The following MARCHF1 variants were observed in gnomAD, a reference collection of about 807,000 sequenced individuals.
The protein encoded by MARCHF1 is membrane associated ring-CH-type finger 1.
Under a neutral mutation model 54.2 loss-of-function variants are expected in MARCHF1, and 40 were observed. The observed-to-expected ratio is 0.74, with a 90% confidence interval of 0.57 to 0.96. The LOEUF (loss-of-function observed/expected upper bound fraction) is 0.96, where lower values mean the gene tolerates loss of function less well. MARCHF1 is among the 40% of genes least tolerant of loss of function. The pLI is 0.00. For missense variants in MARCHF1, 586 were observed against 656.5 expected, an observed-to-expected ratio of 0.89 and a Z score of 1.17; for synonymous variants, 236 against 236.3, an observed-to-expected ratio of 1.00 and a Z score of 0.01.
chr4:163,976,149 T>C lies in MARCHF1; in HGVS notation c.-39+12352A>G, dbSNP rs143013900. On this transcript the variant is annotated intron_variant, in intron 3 of 9. Coordinates refer to ENST00000514618, the MANE Select transcript of MARCHF1 (RefSeq NM_001394959.1). ...GTGGATTTCAGAATTGCTATGGACA[T>C]GTAACTGCTGTATGTCTCTAATTTT... Among the ~76,000 whole-genome samples, 1,365 of 152,320 alleles carry C rather than the reference T, an allele frequency of 9.0e-3. 19 individuals are homozygous for C. Among genetic ancestry groups the C allele is most frequent in the African/African-American group, 0.03 (1,251 of 41,562 alleles).
At chr4:164,264,343 T>G (rs6849325) in intron 1 of MARCHF1, among the ~76,000 whole-genome samples, 72,824 of 151,594 alleles carry the variant, frequency 0.48, 20,143 homozygotes, top group African/African-American at 0.74. Context: ...GAGGGTGGAG[T>G]GTGAGAAAAG....
chr4:163,696,300 A>T (rs1010884530), intron 5 of MARCHF1, among the ~76,000 whole-genome samples: 1 of 152,198 alleles, frequency 6.6e-6, no homozygotes, highest in African/African-American at 2.4e-5. Context: ...TTTATTATTT[A>T]TCCCATGTTT....
chr4:163,998,887 C>T (rs1258495695), intron 2 of MARCHF1, among the ~76,000 whole-genome samples: 1 of 151,732 alleles, frequency 6.6e-6, no homozygotes, highest in African/African-American at 2.4e-5. Context: ...TATATCTTAA[C>T]TATTGTGAAT....
At chr4:164,051,671 A>G (rs571301999) in intron 2 of MARCHF1, among the ~76,000 whole-genome samples, 3 of 152,202 alleles carry the variant, frequency 2.0e-5, no homozygotes, top group African/African-American at 7.2e-5. Context: ...CCAAGAACAT[A>G]TAACTACAAA....
chr4:164,309,669 A>T (rs1414614954), intron 1 of MARCHF1, among the ~76,000 whole-genome samples: 1 of 152,170 alleles, frequency 6.6e-6, no homozygotes. Context: ...TGTTCTGTTT[A>T]TCACAGTTCA....
intron 2 of MARCHF1, among the ~76,000 whole-genome samples, chr4:164,070,605 C>T (rs1352336089): frequency 6.6e-6 from 1 of 152,080 alleles, no homozygotes; most frequent in Non-Finnish European, 1.5e-5. Flanking sequence ...GAAAAGTATC[C>T]CAGCTTAGAT....
intron 5 of MARCHF1, among the ~76,000 whole-genome samples, chr4:163,674,098 A>G (rs891319415): frequency 1.3e-5 from 2 of 152,190 alleles, no homozygotes; most frequent in Non-Finnish European, 2.9e-5. Flanking sequence ...CACTGCCTTC[A>G]GACAATCCTT....
Position 164,279,511 on chromosome 4 carries a change from TA to T in MARCHF1, c.-323+104358del, listed in dbSNP as rs531311603. Among the ~76,000 whole-genome samples the T allele has an allele frequency of 8.1e-3, 1,221 of 151,642 alleles. 15 individuals carry two copies. Among genetic ancestry groups the T allele is most frequent in the African/African-American group, 0.028 (1,146 of 41,494 alleles). On this transcript the variant is annotated intron_variant, in intron 1 of 9. Coordinates refer to ENST00000514618, the MANE Select transcript of MARCHF1 (RefSeq NM_001394959.1). ...AATAAAATTTAAATGTTTATAAATC[TA>T]AAAAACTAGAAGAAAATGTTGACTG...
At chr4:164,270,284 C>T (rs1015449628) in intron 1 of MARCHF1, among the ~76,000 whole-genome samples, 31 of 152,148 alleles carry the variant, frequency 2.0e-4, no homozygotes, top group Admixed American at 3.3e-4. Flanking sequence ...CTTGCATGTC[C>T]TTCAAGTCTA....
chr4:163,923,413 T>G (rs754243440), intron 3 of MARCHF1, among the ~76,000 whole-genome samples: 13 of 152,094 alleles, frequency 8.5e-5, no homozygotes, highest in Non-Finnish European at 1.3e-4. Context: ...AACAGCAAGT[T>G]AAAAATAAAC....
chr4:163,631,215 G>C (rs1273023179), intron 5 of MARCHF1, among the ~76,000 whole-genome samples: 1 of 144,364 alleles, frequency 6.9e-6, no homozygotes, highest in Non-Finnish European at 1.5e-5. Flanking sequence ...TTTTTTTTTT[G>C]AGATGGAGTC....
chr4:164,210,889 T>C (rs1167686970), intron 1 of MARCHF1, among the ~76,000 whole-genome samples: 1 of 152,126 alleles, frequency 6.6e-6, no homozygotes, highest in Non-Finnish European at 1.5e-5. Flanking sequence ...AAGAAAGAAA[T>C]ACTATCATTT....
At chr4:163,887,672 T>C (rs1750569936) in intron 3 of MARCHF1, among the ~76,000 whole-genome samples, 1 of 151,984 alleles carries the variant, frequency 6.6e-6, no homozygotes. Context: ...TTCCAAGGTC[T>C]GTAGAAAACC....
At position 163,975,551 on chromosome 4, in the gene MARCHF1, G is replaced by A. The variant is rs138487059; in HGVS notation, c.-39+12950C>T. 4.1e-4 allele frequency among the ~76,000 whole-genome samples: 62 copies of A among 152,250 alleles called. No individual in the cohort carries two copies. The East Asian group carries it at 5.2e-3, about 13-fold the overall frequency. On this transcript the variant is annotated intron_variant, in intron 3 of 9. Transcript: ENST00000514618. ...ATAACCTCAAATTAGAAAAAATGCC[G>A]CAAGTCAAATATTAAATCACAGTTC...
chr4:164,189,682 A>G lies in MARCHF1; in HGVS notation c.-322-78020T>C, dbSNP rs138492100. 23 of 969,548 alleles carry G rather than the reference A, an allele frequency of 2.4e-5. No homozygotes were observed. The East Asian group carries it at 5.4e-4, about 23-fold the overall frequency. The allele number at this position is 969,548 out of a possible 1,614,324, so 60.1% of individuals were successfully genotyped here. ...TGTGGGAGGTGTCATGATCAAACTG[A>G]TTCCAAGGAACACAGTGGTACCTAC... On this transcript the variant is annotated intron_variant, in intron 1 of 9. Transcript: ENST00000514618.
chr4:164,172,174 C>A lies in MARCHF1; in HGVS notation c.-322-60512G>T, dbSNP rs1054901878. Among the ~76,000 whole-genome samples the A allele has an allele frequency of 2.6e-5, 4 of 152,272 alleles. 1 individual carries two copies. The East Asian group carries it at 7.7e-4, about 29-fold the overall frequency. On this transcript the variant is annotated intron_variant, in intron 1 of 9. Transcript: ENST00000514618. ...AGAAACTATGACATCATCTATGTGA[C>A]TTCATTATTTCCCCAGTGCCTAGAA...
At chr4:164,197,842 T>G in intron 1 of MARCHF1, 1 of 1,440,716 alleles carries the variant, frequency 6.9e-7, no homozygotes, top group Non-Finnish European at 9.1e-7. Flanking sequence ...CCCCAATATT[T>G]ACAAATATTA....
intron 4 of MARCHF1, among the ~76,000 whole-genome samples, chr4:163,850,848 C>G (rs945293903): frequency 2.6e-5 from 4 of 152,098 alleles, no homozygotes; most frequent in African/African-American, 9.7e-5. Context: ...ACAAGAGAAA[C>G]ATTGAGCGGC....
chr4:164,304,365 C>G (rs926583542), intron 1 of MARCHF1, among the ~76,000 whole-genome samples: 1 of 152,184 alleles, frequency 6.6e-6, no homozygotes, highest in African/African-American at 2.4e-5. Flanking sequence ...AAGCTAAGAG[C>G]TTTTACATTC....
Sources: gnomAD v4.1 joint callset for allele counts (sites outside exome capture counted in the v4.1 genomes callset) on GRCh38, gnomAD v4.1.1 for gene constraint, MANE v1.5 for transcripts, NCBI Gene and HGNC (gene_info 2026-07-23, HGNC 2026-07-21) for gene names.